The following WDPCP variants were observed in gnomAD, a reference collection of about 807,000 sequenced individuals.
WDPCP encodes the protein WD repeat-containing and planar cell polarity effector protein fritz homolog.
Under a neutral mutation model 93.1 loss-of-function variants are expected in WDPCP, and 71 were observed. The ratio of observed to expected loss-of-function variants is 0.76; its 90% CI spans 0.63 to 0.93. The LOEUF (loss-of-function observed/expected upper bound fraction) is 0.93, where lower values mean the gene tolerates loss of function less well. Ranked by LOEUF, WDPCP falls within the 40% of genes least tolerant of loss-of-function variation. The pLI, the probability that WDPCP is intolerant of heterozygous loss-of-function variation, is 0.00. For synonymous variants in WDPCP, 315 were observed against 315.0 expected (o/e 1.00, Z 0.00); for missense variants, 844 against 887.4 (o/e 0.95, Z 0.62).
At chr2:63,557,762 G>T (rs1048334421) in intron 1 of WDPCP, among the ~76,000 whole-genome samples, 4 of 152,042 alleles carry the variant, frequency 2.6e-5, no homozygotes, top group African/African-American at 9.7e-5. Flanking sequence ...ACACTCCTCA[G>T]CAAATGCAAA....
At chr2:63,389,727 A>T (rs1161160036) in intron 10 of WDPCP, among the ~76,000 whole-genome samples, 1 of 152,182 alleles carries the variant, frequency 6.6e-6, no homozygotes, top group African/African-American at 2.4e-5. Context: ...AGAAAGCAAA[A>T]AAAGCAGGGG....
intron 14 of WDPCP, among the ~76,000 whole-genome samples, chr2:63,185,777 G>GA (rs1386772784): frequency 6.6e-6 from 1 of 152,182 alleles, no homozygotes; most frequent in African/African-American, 2.4e-5. Flanking sequence ...TTTACCAAGA[G>GA]AAACTCTCCA....
At chr2:63,561,156 T>A (rs201479178) in intron 1 of WDPCP, among the ~76,000 whole-genome samples, 1 of 152,152 alleles carries the variant, frequency 6.6e-6, no homozygotes, top group African/African-American at 2.4e-5. Flanking sequence ...GACATAGGCA[T>A]GGACAAAGAT....
chr2:63,760,860 C>T (rs1271713491), intron 2 of WDPCP, among the ~76,000 whole-genome samples: 1 of 152,114 alleles, frequency 6.6e-6, no homozygotes, highest in Non-Finnish European at 1.5e-5. Context: ...GCCTGCCCAC[C>T]ACAGGAATCT....
At chr2:63,345,201 C>T (rs1047952894) in intron 12 of WDPCP, among the ~76,000 whole-genome samples, 2 of 152,166 alleles carry the variant, frequency 1.3e-5, no homozygotes, top group African/African-American at 2.4e-5. Context: ...AAATTTACTA[C>T]AGCCCCAGTT....
At chr2:63,656,566 T>C (rs1406670257) in intron 2 of WDPCP, among the ~76,000 whole-genome samples, 3 of 152,178 alleles carry the variant, frequency 2.0e-5, no homozygotes, top group African/African-American at 7.2e-5. Flanking sequence ...TAGTCAGAAA[T>C]TACTCAGGAG....
At chr2:63,507,051 C>CA in intron 1 of WDPCP, among the ~76,000 whole-genome samples, 1 of 151,600 alleles carries the variant, frequency 6.6e-6, no homozygotes, top group Non-Finnish European at 1.5e-5. Context: ...CAGACTAAGA[C>CA]AAAAAACAGA....
At chr2:63,746,420 T>A (rs1669798266) in intron 2 of WDPCP, among the ~76,000 whole-genome samples, 2 of 152,306 alleles carry the variant, frequency 1.3e-5, no homozygotes, top group South Asian at 4.1e-4. Flanking sequence ...AAGAACAGGA[T>A]AACAGCGATT....
chr2:63,509,086 A>C lies in WDPCP; in HGVS notation c.76-16146T>G, dbSNP rs148794892. Among the ~76,000 whole-genome samples the C allele has an allele frequency of 2.2e-3, 337 of 152,342 alleles. 1 individual carries two copies. The highest frequency in any genetic ancestry group is 7.5e-3 in the African/African-American group (311 of 41,578). ...CTCACCTCTGGACCAAGCGGACCTAATAGACATCTACAGAACTCTCCACCC... is the reference window on the plus strand; with the variant it reads ...CTCACCTCTGGACCAAGCGGACCTACTAGACATCTACAGAACTCTCCACCC... On this transcript the variant is annotated intron_variant, in intron 1 of 17. Transcript: ENST00000272321.
rs557159358 is a variant in WDPCP, at chr2:63,216,033, C to T, written c.1916-41201G>A. 3.4e-4 allele frequency among the ~76,000 whole-genome samples: 51 copies of T among 152,184 alleles called. 1 individual carries two copies. The East Asian group carries it at 4.4e-3, about 13-fold the overall frequency. On this transcript the variant is annotated intron_variant, in intron 14 of 17. Transcript: ENST00000272321. The stretch of plus-strand genomic sequence containing the variant: ...TACCATCTCACACCAGTTAGAATGG[C>T]GATCATTAAAAAGTCAGGAAACAAC...
intron 2 of WDPCP, among the ~76,000 whole-genome samples, chr2:63,700,306 A>AAAAAAAAAAAAG (rs1558887470): frequency 2.7e-5 from 4 of 146,142 alleles, no homozygotes; most frequent in African/African-American, 1.0e-4. Context: ...AAAAAAAACA[A>AAAAAAAAAAAAG]AAAGAAAAAA....
chr2:63,374,068 T>G (rs972523651), intron 12 of WDPCP, among the ~76,000 whole-genome samples: 17 of 134,312 alleles, frequency 1.3e-4, no homozygotes, highest in Admixed American at 2.9e-4. Flanking sequence ...TTTTTTTTTT[T>G]GTCTACCATT....
Position 63,770,738 on chromosome 2 carries a change from T to A in WDPCP, n.308+42884A>T, listed in dbSNP as rs114211118. On this transcript the variant is annotated intron_variant and non_coding_transcript_variant, in intron 2 of 4. Transcript: ENST00000467687. ...ATAATATGTTCGTTTTCATCCTTAT[T>A]CCCTCACAAGTATACAACAGAGTTT... Among the ~76,000 whole-genome samples, 630 of 152,008 alleles carry A rather than the reference T, an allele frequency of 4.1e-3. 3 individuals are homozygous for A. The highest frequency in any genetic ancestry group is 0.014 in the African/African-American group (591 of 41,524).
At chr2:63,485,996 A>G (rs1460020883) in intron 4 of WDPCP, among the ~76,000 whole-genome samples, 11 of 151,766 alleles carry the variant, frequency 7.2e-5, no homozygotes, top group African/African-American at 2.7e-4. Context: ...TGTCAGTTCA[A>G]CCATTTAAAA....
chr2:63,671,450 T>C (rs1320777779), intron 2 of WDPCP, among the ~76,000 whole-genome samples: 3 of 152,114 alleles, frequency 2.0e-5, no homozygotes, highest in Non-Finnish European at 2.9e-5. Context: ...CTTCTCTATC[T>C]CCTTCACCCA....
intron 6 of WDPCP, among the ~76,000 whole-genome samples, chr2:63,472,298 G>T: frequency 6.7e-6 from 1 of 150,168 alleles, no homozygotes; most frequent in African/African-American, 2.4e-5. Context: ...TTAATCATTG[G>T]GTCCTTTCAA....
chr2:63,270,873 T>C (rs1309273331), intron 13 of WDPCP, among the ~76,000 whole-genome samples: 2 of 152,154 alleles, frequency 1.3e-5, no homozygotes, highest in African/African-American at 2.4e-5. Context: ...TAGTTTGCGC[T>C]GCATCCCACA....
chr2:63,427,448 CA>C (rs1390911302), intron 9 of WDPCP, among the ~76,000 whole-genome samples: 1 of 152,048 alleles, frequency 6.6e-6, no homozygotes. Flanking sequence ...CCCAAAACCA[CA>C]AAATTACATG....
chr2:63,371,650 T>C (rs749127587), intron 12 of WDPCP, among the ~76,000 whole-genome samples: 1 of 152,080 alleles, frequency 6.6e-6, no homozygotes, highest in Non-Finnish European at 1.5e-5. Context: ...TTTTTTTTAA[T>C]AGTATGATTC....
Sources: gnomAD v4.1 joint callset for allele counts (sites outside exome capture counted in the v4.1 genomes callset) on GRCh38, gnomAD v4.1.1 for gene constraint, MANE v1.5 for transcripts, NCBI Gene and HGNC (gene_info 2026-07-23, HGNC 2026-07-21) for gene names.